CDX4: variants seen among roughly 807,000 people sequenced by gnomAD.
CDX4 encodes caudal type homeobox 4.
A neutral mutation model predicts 14.1 loss-of-function variants in CDX4; 11 were observed. That is an observed-to-expected ratio of 0.78 (90% confidence interval 0.49 to 1.29). The LOEUF is 1.29. CDX4 is among the 50% of genes most tolerant of loss of function. CDX4 has a pLI of 0.00. For synonymous variants in CDX4, 100 were observed against 93.5 expected (o/e 1.07, Z -0.40); for missense variants, 257 against 237.4 (o/e 1.08, Z -0.54).
chrX:73,449,016 C>G (rs1248786382), intron 1 of CDX4, among the ~76,000 whole-genome samples: 1 of 111,321 alleles, frequency 9.0e-6, no homozygotes, highest in East Asian at 2.8e-4. Flanking sequence ...AGTAGCGATC[C>G]CAAGGTAAAA....
chrX:73,447,762 A>G lies in CDX4; in HGVS notation c.502+7A>G. 1.7e-6 allele frequency: 2 copies of G among 1,157,725 alleles called. No individual in the cohort carries two copies. The highest frequency in any genetic ancestry group is 2.3e-6 in the Non-Finnish European group (2 of 872,398). ...AAGACGGTGCAGGTGACGGGTGAGT[A>G]ATCAATTCCAATGCCCACACACTTT... On this transcript the variant is annotated splice_region_variant and intron_variant, in intron 1 of 2. Coordinates refer to ENST00000373514, the MANE Select transcript of CDX4 (RefSeq NM_005193.2).
chrX:73,453,812 A>G (rs1052544702), intron 2 of CDX4, 150 bp downstream of exon 2: 2 of 426,557 alleles, frequency 4.7e-6, no homozygotes, highest in Non-Finnish European at 8.0e-6. Flanking sequence ...GCTCTCTTCT[A>G]TCTCCAGCAA....
chrX:73,447,129 G>C lies in CDX4; in HGVS notation c.-125G>C, dbSNP rs2057072371. ...AAACGTGGGATGGAGTAGCCTGAGG[G>C]GTGCAAAAGAGCTTGCGGCACAACT... is the stretch of plus-strand genomic sequence containing the variant. On this transcript the variant is annotated 5_prime_UTR_variant, in exon 1 of 3. Transcript: ENST00000373514. 1.3e-6 allele frequency: 1 copy of C among 752,127 alleles called. No homozygotes were observed. Among genetic ancestry groups the C allele is most frequent in the Non-Finnish European group, 1.9e-6 (1 of 517,147 alleles). The allele number at this position is 752,127 out of a possible 1,213,427, so 62.0% of individuals were successfully genotyped here.
At chrX:73,450,624 T>C (rs1283744305) in intron 1 of CDX4, among the ~76,000 whole-genome samples, 5 of 111,876 alleles carry the variant, frequency 4.5e-5, no homozygotes, top group Admixed American at 3.8e-4. Context: ...ATAAAATTAG[T>C]TGCTTAATAA....
intron 1 of CDX4, 21 bp downstream of exon 1, chrX:73,447,776 C>T (rs201345941): frequency 1.7e-6 from 2 of 1,149,103 alleles, no homozygotes; most frequent in East Asian, 6.0e-5. Flanking sequence ...AATTCCAATG[C>T]CCACACACTT....
In CDX4 at chrX:73,454,489, C is replaced by T. The variant is rs2057100395; in HGVS notation, c.759C>T (p.Ile253=). Residue 253 remains isoleucine (I), a synonymous_variant, in exon 3 of 3, where the codon ATC becomes ATT. Coordinates refer to ENST00000373514, the MANE Select transcript of CDX4 (RefSeq NM_005193.2). ...GGSVQSDSDS[I]SPGELPNTFF... ...CGGTGCAAAGTGACTCTGACTCCATCAGCCCTGGGGAACTACCTAACACTT... is the reference window on the plus strand; with the variant it reads ...CGGTGCAAAGTGACTCTGACTCCATTAGCCCTGGGGAACTACCTAACACTT... 1 of 1,197,737 alleles carries T rather than the reference C, an allele frequency of 8.3e-7. No individual in the cohort carries two copies. The highest frequency in any genetic ancestry group is 1.8e-5 in the African/African-American group (1 of 54,721).
rs145092385 is a variant in CDX4, at chrX:73,447,453, C to G, written c.200C>G (p.Pro67Arg). ...PHMPSMDPHW[P>R]SLGVWGSPYS... is the part of the protein sequence containing the mutation. ...ATGCCCAGCATGGATCCTCACTGGC[C>G]GTCTCTGGGAGTCTGGGGCTCACCC... The change falls in exon 1 of 3, where the codon CCG becomes CGG. Residue 67 changes from proline to arginine, a missense_variant. Coordinates refer to ENST00000373514, the MANE Select transcript of CDX4 (RefSeq NM_005193.2). The G allele has an allele frequency of 8.3e-7, 1 of 1,211,417 alleles. No homozygotes were observed. Among genetic ancestry groups the G allele is most frequent in the Admixed American group, 2.2e-5 (1 of 46,084 alleles).
chrX:73,449,651 T>C (rs1187694198), intron 1 of CDX4, among the ~76,000 whole-genome samples: 1 of 112,093 alleles, frequency 8.9e-6, no homozygotes, highest in African/African-American at 3.2e-5. Flanking sequence ...AAATTAAAAC[T>C]TCGTTTCATT....
chrX:73,454,821 G>T lies in CDX4; in HGVS notation c.*236G>T, dbSNP rs144067429. 1.4e-3 allele frequency: 457 copies of T among 335,110 alleles called. 5 individuals are homozygous for T. In the East Asian group the frequency reaches 0.021, roughly 15 times the overall value. 27.6% of individuals were successfully genotyped at this position (335,110 alleles called of 1,213,427 possible). On this transcript the variant is annotated 3_prime_UTR_variant, in exon 3 of 3. Transcript: ENST00000373514. ...AGTCACTCAGGAATCTTAGTGGTAA[G>T]GTATATAATTAAAAGCTAGAATCAC...
At chrX:73,450,531 T>C (rs1379786835) in intron 1 of CDX4, among the ~76,000 whole-genome samples, 1 of 111,702 alleles carries the variant, frequency 9.0e-6, no homozygotes. Context: ...TGTGATTGAT[T>C]CTGATTCTGA....
At position 73,447,723 on chromosome X, in the gene CDX4, A is replaced by G; in HGVS notation, c.470A>G (p.Tyr157Cys). ...SSPSRSRHSP[Y>C]AWMRKTVQVT... ...CCCAGCAGGAGCCGCCACAGCCCCT[A>G]TGCATGGATGCGCAAGACGGTGCAG... The change falls in exon 1 of 3, where the codon TAT becomes TGT. Residue 157 changes from tyrosine to cysteine, a missense_variant. Tyr to Cys is a radical substitution (Grantham distance 194, BLOSUM62 -2). Coordinates refer to ENST00000373514, the MANE Select transcript of CDX4 (RefSeq NM_005193.2). The G allele has an allele frequency of 8.4e-7, 1 of 1,188,503 alleles. No homozygotes were observed. Among genetic ancestry groups the G allele is most frequent in the African/African-American group, 1.7e-5 (1 of 57,585 alleles).
intron 1 of CDX4, among the ~76,000 whole-genome samples, chrX:73,450,714 T>C (rs1408714574): frequency 8.9e-6 from 1 of 112,043 alleles, no homozygotes; most frequent in Non-Finnish European, 1.9e-5. Flanking sequence ...ATGCAATTTT[T>C]AGCTAAAAAC....
chrX:73,448,123 G>A lies in CDX4; in HGVS notation c.502+368G>A, dbSNP rs140264423. On this transcript the variant is annotated intron_variant, in intron 1 of 2. Coordinates refer to ENST00000373514, the MANE Select transcript of CDX4 (RefSeq NM_005193.2). ...GCTCAACGGGTGAATGAAGCGAGAGGGCAGCTGTAGTGTCCCGTTGTTCAG... is the reference window on the plus strand; with the variant it reads ...GCTCAACGGGTGAATGAAGCGAGAGAGCAGCTGTAGTGTCCCGTTGTTCAG... Among the ~76,000 whole-genome samples, 722 of 111,859 alleles carry A rather than the reference G, an allele frequency of 6.5e-3. 8 individuals are homozygous for A. Among genetic ancestry groups the A allele is most frequent in the African/African-American group, 0.022 (673 of 30,797 alleles).
Position 73,447,693 on chromosome X carries a change from G to T in CDX4, c.440G>T (p.Ser147Ile). Residue 147 changes from serine (S) to isoleucine (I), a missense_variant, in exon 1 of 3, where the codon AGT becomes ATT. By Grantham distance (142) the Ser-to-Ile change is moderately radical (BLOSUM62 -2). Transcript: ENST00000373514. The stretch of plus-strand genomic sequence containing the variant: ...ACGGACGCAGGCGCCGCCAAGGCCA[G>T]TTCCCCCAGCAGGAGCCGCCACAGC... ...VPTDAGAAKA[S>I]SPSRSRHSPY... The T allele has an allele frequency of 8.3e-7, 1 of 1,203,803 alleles. No homozygotes were observed. The highest frequency in any genetic ancestry group is 1.1e-6 in the Non-Finnish European group (1 of 893,774).
chrX:73,447,778 C>T (rs1267617955), intron 1 of CDX4, 23 bp downstream of exon 1: 1 of 1,150,334 alleles, frequency 8.7e-7, no homozygotes. Flanking sequence ...TTCCAATGCC[C>T]ACACACTTTT....
At chrX:73,449,363 A>G (rs751612428) in intron 1 of CDX4, among the ~76,000 whole-genome samples, 1 of 112,426 alleles carries the variant, frequency 8.9e-6, no homozygotes, top group East Asian at 2.8e-4. Context: ...TGAATTTTCT[A>G]TTTATGAGGA....
rs1374946494 is a variant in CDX4, at chrX:73,447,157, GT to G, written c.-96del. 1.0e-6 allele frequency: 1 copy of G among 980,420 alleles called. No individual in the cohort carries two copies. Among genetic ancestry groups the G allele is most frequent in the Admixed American group, 2.7e-5 (1 of 36,513 alleles). The allele number at this position is 980,420 out of a possible 1,213,427, so 80.8% of individuals were successfully genotyped here. On this transcript the variant is annotated 5_prime_UTR_variant, in exon 1 of 3. Transcript: ENST00000373514. ...GCAAAAGAGCTTGCGGCACAACTAC[GT>G]ACTGATAAGTTTATTCTCTGCTGCT... is the stretch of plus-strand genomic sequence containing the variant.
rs1031340049 is a variant in CDX4, at chrX:73,452,030, G to A, written c.503-1487G>A. ...CGCATAGTTTTCCTTTTCTAAGAGC[G>A]GGAAAAGGAGATTTTGTTCAGTTCA... is the stretch of plus-strand genomic sequence containing the variant. On this transcript the variant is annotated intron_variant, in intron 1 of 2. Coordinates refer to ENST00000373514, the MANE Select transcript of CDX4 (RefSeq NM_005193.2). Among the ~76,000 whole-genome samples, 4 of 110,637 alleles carry A rather than the reference G, an allele frequency of 3.6e-5. No individual in the cohort carries two copies. The Admixed American group carries it at 3.8e-4, about 11-fold the overall frequency.
intron 1 of CDX4, among the ~76,000 whole-genome samples, chrX:73,452,072 A>T (rs753297161): frequency 1.2e-4 from 13 of 107,204 alleles, no homozygotes; most frequent in Non-Finnish European, 2.5e-4. Context: ...AGCCATTTAG[A>T]TTAATCTTAA....
Sources: gnomAD v4.1 joint callset for allele counts (sites outside exome capture counted in the v4.1 genomes callset) on GRCh38, gnomAD v4.1.1 for gene constraint, MANE v1.5 for transcripts, NCBI Gene and HGNC (gene_info 2026-07-23, HGNC 2026-07-21) for gene names.